Variants in NCKAP5 observed in about 807,000 individuals in gnomAD.
NCKAP5 encodes the protein NCK associated protein 5.
A neutral mutation model predicts 167.0 loss-of-function variants in NCKAP5; 92 were observed. The ratio of observed to expected loss-of-function variants is 0.55; its 90% CI spans 0.47 to 0.66. NCKAP5 has a LOEUF of 0.66. Ranked by LOEUF, NCKAP5 falls within the 30% of genes least tolerant of loss-of-function variation. The pLI, the probability that NCKAP5 is intolerant of heterozygous loss-of-function variation, is 0.00. For synonymous variants in NCKAP5, 891 were observed against 877.4 expected (o/e 1.02, Z -0.27); for missense variants, 2,378 against 2,315.0 (o/e 1.03, Z -0.56).
At chr2:133,542,589 T>C (rs1686318660) in intron 2 of NCKAP5, among the ~76,000 whole-genome samples, 1 of 152,198 alleles carries the variant, frequency 6.6e-6, no homozygotes, top group African/African-American at 2.4e-5. Flanking sequence ...AAATCGCAGT[T>C]CTCCTTTCCT....
chr2:133,236,836 T>C (rs1050033738), intron 4 of NCKAP5, among the ~76,000 whole-genome samples: 1 of 152,146 alleles, frequency 6.6e-6, no homozygotes, highest in Non-Finnish European at 1.5e-5. Context: ...GCTTCAATTA[T>C]GAAGCTGTCC....
intron 3 of NCKAP5, among the ~76,000 whole-genome samples, chr2:133,476,672 G>A (rs1416440914): frequency 6.6e-6 from 1 of 152,148 alleles, no homozygotes; most frequent in African/African-American, 2.4e-5. Flanking sequence ...AAAGAAATTA[G>A]GCAAAATTAT....
chr2:133,550,646 GAATGGGCAAA>G, intron 2 of NCKAP5, among the ~76,000 whole-genome samples: 1 of 112,902 alleles, frequency 8.9e-6, no homozygotes, highest in Non-Finnish European at 1.8e-5. Flanking sequence ...ATATCATACT[GAATGGGCAAA>G]AACTGGAAGC....
rs1239234078 is a variant in NCKAP5, at chr2:132,773,880, A to G, written c.5064T>C (p.Asn1688=). 1.2e-6 allele frequency: 2 copies of G among 1,610,648 alleles called. No homozygotes were observed. The change falls in exon 16 of 20, where the codon AAT becomes AAC. Residue 1688 remains asparagine, a synonymous_variant. Transcript: ENST00000409261. ...VPKDSLVKEA[N]ENLQEDEDDA... Reference sequence around the variant, plus strand: ...CGTCTTCATCCTCTTGCAAGTTTTCATTTGCCTCTTTTACCTGCAGGAAGA... The same window carrying G: ...CGTCTTCATCCTCTTGCAAGTTTTCGTTTGCCTCTTTTACCTGCAGGAAGA...
intron 8 of NCKAP5, among the ~76,000 whole-genome samples, chr2:132,887,174 C>G (rs938629576): frequency 6.6e-6 from 1 of 152,100 alleles, no homozygotes; most frequent in Admixed American, 6.6e-5. Context: ...ATGCAAATAT[C>G]TAAACTTTGG....
intron 3 of NCKAP5, among the ~76,000 whole-genome samples, chr2:133,473,192 C>A: frequency 6.6e-6 from 1 of 152,092 alleles, no homozygotes; most frequent in Admixed American, 6.6e-5. Flanking sequence ...ATTAGCCAGG[C>A]CTAGTGGCCT....
intron 6 of NCKAP5, among the ~76,000 whole-genome samples, chr2:133,098,174 A>C (rs2081400474): frequency 6.6e-6 from 1 of 152,198 alleles, no homozygotes; most frequent in African/African-American, 2.4e-5. Flanking sequence ...TAAATACCTA[A>C]AGTAAGAAAA....
In NCKAP5 at chr2:133,146,613, C is replaced by T. The variant is rs1001755913; in HGVS notation, c.208-16502G>A. ...TTCCAGTGAGAATCCATGGTGAATGCGAGGGGCAAGCAGCCAACCATACAT... is the reference window on the plus strand; with the variant it reads ...TTCCAGTGAGAATCCATGGTGAATGTGAGGGGCAAGCAGCCAACCATACAT... On this transcript the variant is annotated intron_variant, in intron 5 of 19. Coordinates refer to ENST00000409261, the MANE Select transcript of NCKAP5 (RefSeq NM_207363.3). Among the ~76,000 whole-genome samples the T allele has an allele frequency of 1.4e-4, 21 of 152,140 alleles. 1 individual carries two copies. Among genetic ancestry groups the T allele is most frequent in the African/African-American group, 3.9e-4 (16 of 41,522 alleles).
chr2:132,687,712 A>AACACACACACAC (rs3069016), intron 19 of NCKAP5, among the ~76,000 whole-genome samples: 1,624 of 131,586 alleles, frequency 0.012, 27 homozygotes, highest in African/African-American at 0.033. Context: ...CACCTACCTA[A>AACACACACACAC]ACACACACAC....
rs115491304 is a variant in NCKAP5 at position 132,986,355 on chromosome 2, C to T, written c.429+7797G>A. 5.7e-3 allele frequency among the ~76,000 whole-genome samples: 870 copies of T among 152,180 alleles called. 8 individuals carry two copies. The highest frequency in any genetic ancestry group is 0.02 in the African/African-American group (828 of 41,516). ...CTCACTGGTTCCTAGCACAGATCTACGGACAAGAGGAATCAAAATGATCTG... is the reference window on the plus strand; with the variant it reads ...CTCACTGGTTCCTAGCACAGATCTATGGACAAGAGGAATCAAAATGATCTG... On this transcript the variant is annotated intron_variant, in intron 7 of 19. Transcript: ENST00000409261.
At chr2:133,605,529 G>C in the NCKAP5 span, among the ~76,000 whole-genome samples, 1 of 152,204 alleles carries the variant, frequency 6.6e-6, no homozygotes, top group Non-Finnish European at 1.5e-5. Flanking sequence ...GGAGGATATT[G>C]ATGCATCTGC....
chr2:133,400,071 G>A (rs1688001078), intron 3 of NCKAP5, among the ~76,000 whole-genome samples: 1 of 152,012 alleles, frequency 6.6e-6, no homozygotes, highest in Admixed American at 6.6e-5. Flanking sequence ...TAAAAATTAT[G>A]TTTGGTTCTA....
intron 16 of NCKAP5, among the ~76,000 whole-genome samples, chr2:132,739,190 T>G (rs996390680): frequency 4.6e-5 from 7 of 152,184 alleles, no homozygotes; most frequent in Non-Finnish European, 1.0e-4. Flanking sequence ...ACTAATTTGT[T>G]TCTCAGCCTT....
intron 11 of NCKAP5, among the ~76,000 whole-genome samples, chr2:132,812,025 A>C (rs1685914888): frequency 6.6e-6 from 1 of 152,152 alleles, no homozygotes; most frequent in Non-Finnish European, 1.5e-5. Context: ...AACTTCTCCC[A>C]CAAACAGAAC....
intron 4 of NCKAP5, among the ~76,000 whole-genome samples, chr2:133,224,746 C>T (rs1263069368): frequency 6.6e-6 from 1 of 152,144 alleles, no homozygotes; most frequent in Admixed American, 6.5e-5. Context: ...CAAAGCACTC[C>T]TACCTAAAAT....
intron 3 of NCKAP5, among the ~76,000 whole-genome samples, chr2:133,318,621 A>G (rs923849190): frequency 6.6e-6 from 1 of 152,178 alleles, no homozygotes; most frequent in Non-Finnish European, 1.5e-5. Flanking sequence ...TATGTGATGG[A>G]ATATAGCTGT....
intron 12 of NCKAP5, among the ~76,000 whole-genome samples, chr2:132,795,635 A>G (rs1684517183): frequency 6.6e-6 from 1 of 152,068 alleles, no homozygotes; most frequent in African/African-American, 2.4e-5. Context: ...CCTGACTAAC[A>G]TGGTGAAACC....
At chr2:133,142,807 A>T (rs777061380) in intron 5 of NCKAP5, among the ~76,000 whole-genome samples, 1 of 152,134 alleles carries the variant, frequency 6.6e-6, no homozygotes, top group Non-Finnish European at 1.5e-5. Flanking sequence ...AGATTCAAAG[A>T]TCCTCCAAAA....
intron 3 of NCKAP5, among the ~76,000 whole-genome samples, chr2:133,332,568 A>G (rs144608024): frequency 2.6e-5 from 4 of 152,338 alleles, no homozygotes; most frequent in Admixed American, 2.6e-4. Flanking sequence ...GTCAATATAT[A>G]TAATTATTGG....
Sources: gnomAD v4.1 joint callset for allele counts (sites outside exome capture counted in the v4.1 genomes callset) on GRCh38, gnomAD v4.1.1 for gene constraint, MANE v1.5 for transcripts, NCBI Gene and HGNC (gene_info 2026-07-23, HGNC 2026-07-21) for gene names.